Variants in CCSER1 observed in about 807,000 individuals in gnomAD.
CCSER1 encodes coiled-coil serine rich protein 1, also known as serine-rich coiled-coil domain-containing protein 1.
In CCSER1, 41 loss-of-function variants were observed where a neutral mutation model predicts 82.0. The ratio of observed to expected loss-of-function variants is 0.50; its 90% CI spans 0.39 to 0.65. The LOEUF (loss-of-function observed/expected upper bound fraction) is 0.65, where lower values mean the gene tolerates loss of function less well. Among genes scored for constraint, CCSER1 ranks in the 30% least tolerant of loss-of-function variants. The pLI is 0.00. For synonymous variants in CCSER1, 414 were observed against 383.9 expected (o/e 1.08, Z -0.92); for missense variants, 1,119 against 1,064.2 (o/e 1.05, Z -0.72).
chr4:91,282,833 T>G (rs1743018533), intron 10 of CCSER1, among the ~76,000 whole-genome samples: 1 of 152,146 alleles, frequency 6.6e-6, no homozygotes, highest in Admixed American at 6.6e-5. Flanking sequence ...CTTAAAAACT[T>G]AATGGTTCTT....
intron 4 of CCSER1, among the ~76,000 whole-genome samples, chr4:90,461,142 TGCAA>T (rs1762864688): frequency 8.2e-6 from 1 of 122,460 alleles, no homozygotes; most frequent in Non-Finnish European, 1.6e-5. Flanking sequence ...CTCGGCTCAC[TGCAA>T]GCTCCGCCTC....
intron 6 of CCSER1, among the ~76,000 whole-genome samples, chr4:90,691,825 A>G (rs1736035596): frequency 6.6e-6 from 1 of 151,710 alleles, no homozygotes; most frequent in Non-Finnish European, 1.5e-5. Flanking sequence ...GTACTCGATC[A>G]GTAGTTTTCA....
intron 1 of CCSER1, among the ~76,000 whole-genome samples, chr4:90,173,340 A>C (rs1296384802): frequency 1.3e-5 from 1 of 78,476 alleles, no homozygotes; most frequent in Non-Finnish European, 2.2e-5. Flanking sequence ...GTTTTTTTTC[A>C]AAAAAAAAAT....
chr4:91,080,106 G>A (rs1381635074), intron 9 of CCSER1, among the ~76,000 whole-genome samples: 1 of 152,142 alleles, frequency 6.6e-6, no homozygotes, highest in African/African-American at 2.4e-5. Flanking sequence ...CAAAACAACA[G>A]AACATACATT....
intron 1 of CCSER1, among the ~76,000 whole-genome samples, chr4:90,290,263 A>G (rs556622091): frequency 1.3e-5 from 2 of 152,012 alleles, no homozygotes; most frequent in East Asian, 3.9e-4. Context: ...AGTTAAAATA[A>G]TGTTTTGAGC....
At chr4:90,223,189 A>G (rs536456997) in intron 1 of CCSER1, among the ~76,000 whole-genome samples, 2 of 152,262 alleles carry the variant, frequency 1.3e-5, no homozygotes, top group South Asian at 2.1e-4. Context: ...AAAATGTTGT[A>G]TAAATGGAAT....
intron 7 of CCSER1, among the ~76,000 whole-genome samples, chr4:90,794,705 A>G (rs1755745753): frequency 6.6e-6 from 1 of 152,130 alleles, no homozygotes; most frequent in Admixed American, 6.5e-5. Context: ...TTCTGTGAAG[A>G]ATGTCAGTGG....
intron 3 of CCSER1, among the ~76,000 whole-genome samples, chr4:90,351,135 G>T (rs868229231): frequency 2.0e-5 from 3 of 152,236 alleles, no homozygotes; most frequent in African/African-American, 7.2e-5. Context: ...GTTTTAACAG[G>T]TATTAAAATA....
At chr4:91,277,293 G>A (rs1742543198) in intron 10 of CCSER1, among the ~76,000 whole-genome samples, 1 of 151,908 alleles carries the variant, frequency 6.6e-6, no homozygotes, top group African/African-American at 2.4e-5. Context: ...TGAGACTGAT[G>A]TATTCAATTC....
At chr4:91,090,652 C>T (rs935840595) in intron 10 of CCSER1, among the ~76,000 whole-genome samples, 4 of 152,116 alleles carry the variant, frequency 2.6e-5, no homozygotes, top group African/African-American at 9.7e-5. Context: ...CTTCCCATGG[C>T]CACTGATCTC....
At chr4:90,592,607 G>A (rs2048396) in intron 5 of CCSER1, among the ~76,000 whole-genome samples, 71,371 of 151,832 alleles carry the variant, frequency 0.47, 20,444 homozygotes, top group African/African-American at 0.81. Context: ...CATCTCTTAC[G>A]CACAGCCTAC....
intron 10 of CCSER1, among the ~76,000 whole-genome samples, chr4:91,186,515 G>A (rs1734550609): frequency 6.6e-6 from 1 of 152,124 alleles, no homozygotes; most frequent in African/African-American, 2.4e-5. Flanking sequence ...GACGCCACTT[G>A]CTGAGACCAG....
At chr4:91,507,829 T>TATTCA (rs1560724897) in intron 10 of CCSER1, among the ~76,000 whole-genome samples, 34 of 152,014 alleles carry the variant, frequency 2.2e-4, no homozygotes, top group African/African-American at 7.9e-4. Context: ...TACTTCAAGA[T>TATTCA]TATGAAGGCA....
chr4:90,882,034 T>C (rs1178783769), intron 8 of CCSER1, among the ~76,000 whole-genome samples: 2 of 152,182 alleles, frequency 1.3e-5, no homozygotes, highest in Middle Eastern at 3.4e-3. Context: ...TTTCAAAGAA[T>C]AGAAAATTAG....
chr4:91,223,742 G>T (rs1737933519), intron 10 of CCSER1, among the ~76,000 whole-genome samples: 1 of 151,980 alleles, frequency 6.6e-6, no homozygotes, highest in African/African-American at 2.4e-5. Context: ...AAAGAGTTTG[G>T]ATTTCATTAT....
intron 10 of CCSER1, among the ~76,000 whole-genome samples, chr4:91,597,877 T>C (rs1438659442): frequency 6.6e-6 from 1 of 152,194 alleles, no homozygotes; most frequent in Non-Finnish European, 1.5e-5. Context: ...TTGTAATCTT[T>C]GCTTCTTCAC....
intron 10 of CCSER1, among the ~76,000 whole-genome samples, chr4:91,386,973 C>A (rs1751339604): frequency 6.6e-6 from 1 of 151,578 alleles, no homozygotes; most frequent in South Asian, 2.1e-4. Context: ...GACATGGCAA[C>A]CAAATGTAAT....
In CCSER1 at chr4:90,480,935, G is replaced by A. The variant is rs1307756410; in HGVS notation, c.1724+12581G>A. 2.0e-5 allele frequency among the ~76,000 whole-genome samples: 3 copies of A among 152,276 alleles called. No homozygotes were observed. In the East Asian group the frequency reaches 5.8e-4, roughly 29 times the overall value. On this transcript the variant is annotated intron_variant, in intron 5 of 10. Transcript: ENST00000509176. ...TGAAGAAAGTCAGTGGTAGCTTGAT[G>A]GGGATGGCATTGAATCTATAAATTA...
At chr4:90,777,576 T>C (rs577965181) in intron 7 of CCSER1, among the ~76,000 whole-genome samples, 1 of 152,240 alleles carries the variant, frequency 6.6e-6, no homozygotes, top group Non-Finnish European at 1.5e-5. Context: ...TCTCCATCTA[T>C]ATACTTAACT....
Sources: gnomAD v4.1 joint callset for allele counts (sites outside exome capture counted in the v4.1 genomes callset) on GRCh38, gnomAD v4.1.1 for gene constraint, MANE v1.5 for transcripts, NCBI Gene and HGNC (gene_info 2026-07-23, HGNC 2026-07-21) for gene names.